IMPDH1: variants seen among roughly 807,000 people sequenced by gnomAD.
IMPDH1 encodes inosine-5'-monophosphate dehydrogenase 1.
In IMPDH1, 41 loss-of-function variants were observed where a neutral mutation model predicts 73.5. The observed-to-expected ratio is 0.56, with a 90% CI of 0.43 to 0.72. IMPDH1 has a LOEUF of 0.72. IMPDH1 is among the 30% of genes least tolerant of loss of function. The pLI is 0.00. For missense variants in IMPDH1, 645 were observed against 824.8 expected, an observed-to-expected ratio of 0.78 and a Z score of 2.67; for synonymous variants, 318 against 334.3, an observed-to-expected ratio of 0.95 and a Z score of 0.53.
Position 128,409,282 on chromosome 7 carries a change from T to TCCTCACCTAGCCCTGCC in IMPDH1, c.254+6_254+7insGGCAGGGCTAGGTGAGG, listed in dbSNP as rs1379457637. ...AGTGCATGGTGAGGAGGGGAGAGTGTCCTCACCTAGCCCTGCGAAGGCGAT... is the reference window on the plus strand; with the variant it reads ...AGTGCATGGTGAGGAGGGGAGAGTGTCCTCACCTAGCCCTGCCCCTCACCTAGCCCTGCGAAGGCGAT... On this transcript the variant is annotated splice_region_variant and intron_variant, in intron 3 of 16. Coordinates refer to ENST00000338791, the MANE Select transcript of IMPDH1 (RefSeq NM_000883.4). 3.1e-6 allele frequency: 5 copies of TCCTCACCTAGCCCTGCC among 1,612,380 alleles called. No individual in the cohort carries two copies.
In IMPDH1 at chr7:128,396,983, C is replaced by T. The variant is rs770037640; in HGVS notation, c.1114G>A (p.Val372Met). The T allele has an allele frequency of 6.2e-7, 1 of 1,614,018 alleles. No individual in the cohort carries two copies. Among genetic ancestry groups the T allele is most frequent in the Admixed American group, 1.7e-5 (1 of 60,016 alleles). Residue 372 changes from valine (V) to methionine (M), a missense_variant, in exon 11 of 17, where the codon GTG becomes ATG. Val to Met is a conservative substitution (Grantham distance 21). Transcript: ENST00000338791. This position sits in a 1 kb window ranked among gnomAD's most constrained non-coding sequence, Gnocchi z 4.0. Reference sequence around the variant, plus strand: ...GGGTACTTCTGTTTGATGTAATGCACCATGGCGATCTGATACACCGAATTC... The same window carrying T: ...GGGTACTTCTGTTTGATGTAATGCATCATGGCGATCTGATACACCGAATTC... ...QGNSVYQIAM[V>M]HYIKQKYPHL...
At position 128,398,388 on chromosome 7, in the gene IMPDH1, C is replaced by G. The variant is rs754233646; in HGVS notation, c.1074+26G>C. 1 of 1,601,154 alleles carries G rather than the reference C, an allele frequency of 6.2e-7. No individual in the cohort carries two copies. Among genetic ancestry groups the G allele is most frequent in the Non-Finnish European group, 8.5e-7 (1 of 1,169,764 alleles). On this transcript the variant is annotated intron_variant, in intron 10 of 16. Transcript: ENST00000338791. The surrounding 1 kb of genome is among the most constrained non-coding windows in gnomAD (Gnocchi z 4.3). The stretch of plus-strand genomic sequence containing the variant: ...CTCTGCTGAACCACTCATCCATCTC[C>G]CCCACCACTCAGGCGGGGGCCTTAC...
At chr7:128,409,087 A>G (rs1458059281) in intron 3 of IMPDH1, among the ~76,000 whole-genome samples, 1 of 152,232 alleles carries the variant, frequency 6.6e-6, no homozygotes, top group Non-Finnish European at 1.5e-5. Flanking sequence ...TCAAGCTGCG[A>G]TACAATCCAG....
At chr7:128,406,250 C>T (rs2116723720) in intron 3 of IMPDH1, among the ~76,000 whole-genome samples, 1 of 148,038 alleles carries the variant, frequency 6.8e-6, no homozygotes, top group African/African-American at 2.5e-5. Flanking sequence ...CGCCGCTCTA[C>T]ATCCAGCCAC....
chr7:128,409,234 G>A, intron 3 of IMPDH1, 55 bp downstream of exon 3: 1 of 1,500,900 alleles, frequency 6.7e-7, no homozygotes, highest in Non-Finnish European at 9.2e-7. Context: ...GAGGTGAGCT[G>A]CACTGGCAGC....
intron 4 of IMPDH1, among the ~76,000 whole-genome samples, chr7:128,405,372 G>A (rs1179746575): frequency 1.3e-5 from 2 of 152,216 alleles, no homozygotes; most frequent in Admixed American, 6.5e-5. Context: ...ATGCGGAAGC[G>A]GCTGCTTAAG....
At chr7:128,409,597 G>A (rs1799003601) in intron 1 of IMPDH1, 113 bp from the exon 2 acceptor site, 1 of 1,527,582 alleles carries the variant, frequency 6.5e-7, no homozygotes, top group Non-Finnish European at 9.1e-7. Flanking sequence ...CCAAAGCCGG[G>A]AGCGTGGCGT....
In IMPDH1 at chr7:128,394,208, C is replaced by T. The variant is rs1185810003; in HGVS notation, c.1778+70G>A. The T allele has an allele frequency of 3.1e-6, 4 of 1,308,250 alleles. No individual in the cohort carries two copies. The highest frequency in any genetic ancestry group is 3.3e-6 in the Non-Finnish European group (3 of 905,110). 81.0% of individuals were successfully genotyped at this position (1,308,250 alleles called of 1,614,324 possible). A position where few individuals can be genotyped will look rare whatever the true frequency, so the allele number is the denominator to read the frequency against. On this transcript the variant is annotated intron_variant, in intron 16 of 16. Coordinates refer to ENST00000338791, the MANE Select transcript of IMPDH1 (RefSeq NM_000883.4). This position sits in a 1 kb window ranked among gnomAD's most constrained non-coding sequence, Gnocchi z 5.5. ...TGGGGTCCCTGGAACCTCAGCTTGACCTCAGAACCCTGGCCCCACCTGCCC... is the reference window on the plus strand; with the variant it reads ...TGGGGTCCCTGGAACCTCAGCTTGATCTCAGAACCCTGGCCCCACCTGCCC...
In IMPDH1 at chr7:128,405,773, G is replaced by C; in HGVS notation, c.347C>G (p.Thr116Ser). Reference protein sequence around the residue: ...QQLFASADGLTYNDFLILPGF... With the variant: ...QQLFASADGLSYNDFLILPGF... The stretch of plus-strand genomic sequence containing the variant: ...TACGAGACCCGGCGCTTACTTGTAG[G>C]TGAGGCCGTCGGCGCTGGCGAAGAG... Residue 116 changes from threonine to serine, a missense_variant, in exon 4 of 17, where the codon ACC (threonine) becomes AGC (serine). Transcript: ENST00000338791. The C allele has an allele frequency of 6.5e-7, 1 of 1,538,118 alleles. No homozygotes were observed. Among genetic ancestry groups the C allele is most frequent in the South Asian group, 1.2e-5 (1 of 82,856 alleles).
chr7:128,406,824 G>A (rs1258364503), intron 3 of IMPDH1, among the ~76,000 whole-genome samples: 1 of 152,206 alleles, frequency 6.6e-6, no homozygotes, highest in African/African-American at 2.4e-5. Flanking sequence ...GGAGGGTCCT[G>A]CGGTGGGAAG....
chr7:128,406,047 T>G, intron 3 of IMPDH1, 182 bp from the exon 4 acceptor site: 1 of 182,796 alleles, frequency 5.5e-6, no homozygotes, highest in Non-Finnish European at 9.9e-6. Flanking sequence ...CGCCCTGTCC[T>G]CCCGCCCCTC....
Position 128,398,357 on chromosome 7 carries a change from C to A in IMPDH1, c.1074+57G>T. On this transcript the variant is annotated intron_variant, in intron 10 of 16. Coordinates refer to ENST00000338791, the MANE Select transcript of IMPDH1 (RefSeq NM_000883.4). The surrounding 1 kb of genome is among the most constrained non-coding windows in gnomAD (Gnocchi z 4.3). ...AGAGGTGAACCTGGGTCCTCATAAACCTCCACTCTGCTGAACCACTCATCC... is the reference window on the plus strand; with the variant it reads ...AGAGGTGAACCTGGGTCCTCATAAAACTCCACTCTGCTGAACCACTCATCC... 6.9e-7 allele frequency: 1 copy of A among 1,448,870 alleles called. No individual in the cohort carries two copies. Among genetic ancestry groups the A allele is most frequent in the Non-Finnish European group, 9.7e-7 (1 of 1,032,868 alleles). The allele number at this position is 1,448,870 out of a possible 1,614,324, so 89.8% of individuals were successfully genotyped here. A position where few individuals can be genotyped will look rare whatever the true frequency, so the allele number is the denominator to read the frequency against.
rs879398197 is a variant in IMPDH1, at chr7:128,400,415, A to G, written c.704T>C (p.Met235Thr). The G allele has an allele frequency of 6.2e-7, 1 of 1,612,402 alleles. No individual in the cohort carries two copies. The highest frequency in any genetic ancestry group is 8.5e-7 in the Non-Finnish European group (1 of 1,179,882). ...SGIPITETGTMGSKLVGIVTS... is the reference protein window; with the variant it reads ...SGIPITETGTTGSKLVGIVTS... ...GACGATGCCCACCAGCTTGCTGCCC[A>G]TGGTGCCCGTCTCAGTGATGGGGAT... The change falls in exon 8 of 17, where the codon ATG becomes ACG. Residue 235 changes from methionine to threonine, a missense_variant. This residue lies in a region of IMPDH1 where 459 missense variants were observed against 638.2 expected (regional missense o/e 0.72). Transcript: ENST00000338791.
chr7:128,398,196 A>T lies in IMPDH1; in HGVS notation c.1074+218T>A, dbSNP rs977238460. ...CGTTCTGTCCCCAGGGCTGGAGTGC[A>T]GTGGCACGATCCTAGCTCACTGTGA... On this transcript the variant is annotated intron_variant, in intron 10 of 16. Coordinates refer to ENST00000338791, the MANE Select transcript of IMPDH1 (RefSeq NM_000883.4). The surrounding 1 kb of genome is among the most constrained non-coding windows in gnomAD (Gnocchi z 4.3). 2.6e-5 allele frequency among the ~76,000 whole-genome samples: 4 copies of T among 152,162 alleles called. No individual in the cohort carries two copies. Among genetic ancestry groups the T allele is most frequent in the Non-Finnish European group, 5.9e-5 (4 of 68,028 alleles).
chr7:128,403,058 GCCACTCCCAAGCCCACCGTTC>G (rs1430713680), intron 5 of IMPDH1, among the ~76,000 whole-genome samples: 1 of 152,046 alleles, frequency 6.6e-6, no homozygotes, highest in African/African-American at 2.4e-5. Context: ...CAATAAGGCA[GCCACTCCCAAGCCCACCGTTC>G]CCACTCCCAA....
In IMPDH1 at chr7:128,409,774, G is replaced by A. The variant is rs2116753366; in HGVS notation, c.128C>T (p.Ala43Val). The A allele has an allele frequency of 1.3e-6, 2 of 1,520,992 alleles. No individual in the cohort carries two copies. The highest frequency in any genetic ancestry group is 1.2e-5 in the South Asian group (1 of 82,786). 94.2% of individuals were successfully genotyped at this position (1,520,992 alleles called of 1,614,324 possible). The change falls in exon 1 of 17, where the codon GCC becomes GTC. Residue 43 changes from alanine (A) to valine (V), a missense_variant. Physicochemically the swap from Ala to Val is moderately conservative, Grantham distance 64. Coordinates refer to ENST00000338791, the MANE Select transcript of IMPDH1 (RefSeq NM_000883.4). Reference protein sequence around the residue: ...AQRYSARLLQAGYEPESPRLD... With the variant: ...AQRYSARLLQVGYEPESPRLD... Reference sequence around the variant, plus strand: ...GCGTCACCTCTCGGGCTCGTAGCCGGCCTGCAGCAGTCGGGCGCTGTACCG... The same window carrying A: ...GCGTCACCTCTCGGGCTCGTAGCCGACCTGCAGCAGTCGGGCGCTGTACCG...
intron 8 of IMPDH1, 67 bp downstream of exon 8, chr7:128,400,266 C>T: frequency 1.9e-6 from 3 of 1,603,762 alleles, no homozygotes; most frequent in Non-Finnish European, 2.6e-6. Context: ...GTCACAGGCA[C>T]CAGTCTGAGG....
chr7:128,398,665 G>A lies in IMPDH1; in HGVS notation c.875-52C>T. 1.3e-6 allele frequency: 2 copies of A among 1,482,190 alleles called. No homozygotes were observed. Among genetic ancestry groups the A allele is most frequent in the Non-Finnish European group, 1.9e-6 (2 of 1,064,044 alleles). The allele number at this position is 1,482,190 out of a possible 1,614,324, so 91.8% of individuals were successfully genotyped here. On this transcript the variant is annotated intron_variant, in intron 9 of 16. Coordinates refer to ENST00000338791, the MANE Select transcript of IMPDH1 (RefSeq NM_000883.4). The surrounding 1 kb of genome is among the most constrained non-coding windows in gnomAD (Gnocchi z 4.3). The stretch of plus-strand genomic sequence containing the variant: ...AAGCAGGCTTGGTGGGGAGAAGTTT[G>A]GGAGATGTTTAGGAGGGTGAAGATG...
intron 3 of IMPDH1, among the ~76,000 whole-genome samples, chr7:128,407,858 G>A (rs1391838901): frequency 1.3e-5 from 2 of 152,140 alleles, no homozygotes; most frequent in Non-Finnish European, 2.9e-5. Flanking sequence ...CCTGGCTGAG[G>A]CATGGGGAGG....
Sources: allele counts gnomAD v4.1 joint callset (sites outside exome capture counted in the v4.1 genomes callset), GRCh38; gene constraint gnomAD v4.1.1; regional missense constraint gnomAD v4.1.1; non-coding constraint Gnocchi (gnomAD v3.1); transcripts MANE v1.5; gene names NCBI Gene and HGNC (gene_info 2026-07-23, HGNC 2026-07-21).